SDK2: variants seen among roughly 807,000 people sequenced by gnomAD.
SDK2 encodes the protein sidekick cell adhesion molecule 2, also known as protein sidekick-2.
SDK2 carries 105 observed loss-of-function variants against 253.9 expected under a neutral mutation model. The ratio of observed to expected loss-of-function variants is 0.41; its 90% CI spans 0.35 to 0.49. The LOEUF (loss-of-function observed/expected upper bound fraction) is 0.49, where lower values mean the gene tolerates loss of function less well. Ranked by LOEUF, SDK2 falls within the 20% of genes least tolerant of loss-of-function variation. The pLI is 0.06. For synonymous variants in SDK2, 1,249 were observed against 1,234.9 expected, an observed-to-expected ratio of 1.01 and a Z score of -0.24; for missense variants, 2,608 against 3,003.0, an observed-to-expected ratio of 0.87 and a Z score of 3.07.
chr17:73,399,187 C>A lies in SDK2; in HGVS notation c.3074G>T (p.Arg1025Leu). 6.2e-7 allele frequency: 1 copy of A among 1,613,706 alleles called. No homozygotes were observed. ...CCCTACCTGGGCTTCCACCAGCCAG[C>A]GGGAGATGGAGGTTTTCCCATCGTA... ...PGYDGKTSIS[R>L]WLVEAQVGVV... The change falls in exon 22 of 45, where the codon CGC becomes CTC. Residue 1025 changes from arginine (R) to leucine (L), a missense_variant. Physicochemically the swap from Arg to Leu is moderately radical, Grantham distance 102. Around this residue, in one of 2 missense-constraint regions of SDK2, gnomAD observed 1,505 missense variants for 1,859.1 expected, o/e 0.81. Transcript: ENST00000392650.
intron 2 of SDK2, among the ~76,000 whole-genome samples, chr17:73,488,681 C>T (rs765367369): frequency 3.9e-5 from 6 of 152,080 alleles, no homozygotes; most frequent in Non-Finnish European, 7.4e-5. Context: ...CACCCACTTC[C>T]GCAAGCACAC....
intron 1 of SDK2, among the ~76,000 whole-genome samples, chr17:73,510,220 A>G (rs2063969594): frequency 6.6e-6 from 1 of 152,130 alleles, no homozygotes; most frequent in Non-Finnish European, 1.5e-5. Context: ...TTCACAACTT[A>G]ACAGAAGCCA....
At chr17:73,567,109 G>A (rs545923637) in intron 1 of SDK2, among the ~76,000 whole-genome samples, 8 of 152,320 alleles carry the variant, frequency 5.3e-5, no homozygotes, top group African/African-American at 1.9e-4. Flanking sequence ...GACAGGCCCA[G>A]AGGCCTAAAA....
chr17:73,484,400 TG>T (rs1262841414), intron 2 of SDK2, among the ~76,000 whole-genome samples: 92 of 152,324 alleles, frequency 6.0e-4, no homozygotes. Flanking sequence ...GAGACTCAGT[TG>T]CTTCTCAAAC....
Position 73,468,432 on chromosome 17 carries a change from T to C in SDK2, c.331+3680A>G, listed in dbSNP as rs1245497134. Among the ~76,000 whole-genome samples, 5 of 152,148 alleles carry C rather than the reference T, an allele frequency of 3.3e-5. No homozygotes were observed. In the South Asian group the frequency reaches 8.3e-4, roughly 25 times the overall value. Reference sequence around the variant, plus strand: ...TGGGGTGAGGCTCAGAGAGGTCCAGTCACTTCCCTGGGGTCACACAGCAAT... The same window carrying C: ...TGGGGTGAGGCTCAGAGAGGTCCAGCCACTTCCCTGGGGTCACACAGCAAT... On this transcript the variant is annotated intron_variant, in intron 3 of 44. Coordinates refer to ENST00000392650, the MANE Select transcript of SDK2 (RefSeq NM_001144952.2).
Position 73,447,477 on chromosome 17 carries a change from G to A in SDK2, c.613+138C>T. ...GCTCTGCTGTGTCTCGTCCTCCTTG[G>A]GAAGGCTCCCCCCGGCCGTCCCCTA... On this transcript the variant is annotated intron_variant, in intron 5 of 44. Coordinates refer to ENST00000392650, the MANE Select transcript of SDK2 (RefSeq NM_001144952.2). This position sits in a 1 kb window ranked among gnomAD's most constrained non-coding sequence, Gnocchi z 4.0. 7.9e-7 allele frequency: 1 copy of A among 1,270,864 alleles called. No homozygotes were observed. 78.7% of individuals were successfully genotyped at this position (1,270,864 alleles called of 1,614,324 possible).
intron 1 of SDK2, among the ~76,000 whole-genome samples, chr17:73,575,935 A>G (rs1042273473): frequency 6.6e-6 from 1 of 152,190 alleles, no homozygotes; most frequent in Non-Finnish European, 1.5e-5. Context: ...AAGTCAACCA[A>G]AATTCCACAC....
Position 73,389,011 on chromosome 17 carries a change from C to T in SDK2, c.4193-974G>A, listed in dbSNP as rs534998178. Among the ~76,000 whole-genome samples the T allele has an allele frequency of 1.8e-4, 23 of 127,104 alleles. No homozygotes were observed. The South Asian group carries it at 4.9e-3, about 27-fold the overall frequency. The allele number at this position is 127,104 out of a possible 152,430, so 83.4% of individuals were successfully genotyped here. On this transcript the variant is annotated intron_variant, in intron 29 of 44. Coordinates refer to ENST00000392650, the MANE Select transcript of SDK2 (RefSeq NM_001144952.2). The stretch of plus-strand genomic sequence containing the variant: ...CCCTTCCCCTCCTTCCTTTTTCTTT[C>T]GTTATTTAAAACACAGTCAGGGTCT...
intron 36 of SDK2, among the ~76,000 whole-genome samples, chr17:73,378,268 T>C (rs1489573364): frequency 1.3e-5 from 2 of 151,934 alleles, no homozygotes; most frequent in African/African-American, 4.8e-5. Flanking sequence ...CTGGCTAATT[T>C]CTGTATTTTT....
chr17:73,344,489 GC>G (rs2062466031), intron 44 of SDK2, among the ~76,000 whole-genome samples: 1 of 152,218 alleles, frequency 6.6e-6, no homozygotes, highest in African/African-American at 2.4e-5. Flanking sequence ...AATCCCAGTT[GC>G]TTGTACTTCT....
intron 18 of SDK2, among the ~76,000 whole-genome samples, chr17:73,412,037 T>TATATATATACACAC (rs1568389270): frequency 0.065 from 250 of 3,850 alleles, 2 homozygotes; most frequent in Admixed American, 0.21. Flanking sequence ...TATATATACG[T>TATATATATACACAC]ATATATATGT....
chr17:73,437,857 C>G, intron 7 of SDK2, 35 bp from the exon 8 acceptor site: 1 of 1,611,364 alleles, frequency 6.2e-7, no homozygotes. Context: ...GGGGTCAGAG[C>G]CATGCTCGCT....
chr17:73,593,389 T>A (rs989696414), intron 1 of SDK2, among the ~76,000 whole-genome samples: 3 of 152,106 alleles, frequency 2.0e-5, no homozygotes, highest in Non-Finnish European at 4.4e-5. Flanking sequence ...GCATCCTTCC[T>A]CCTCATTGTG....
chr17:73,608,702 C>G (rs964091413), intron 1 of SDK2, among the ~76,000 whole-genome samples: 1 of 152,152 alleles, frequency 6.6e-6, no homozygotes, highest in African/African-American at 2.4e-5. Context: ...CTTGGCCTCC[C>G]AAAGTGCTGG....
At chr17:73,539,844 C>A (rs536311776) in intron 1 of SDK2, among the ~76,000 whole-genome samples, 1 of 152,120 alleles carries the variant, frequency 6.6e-6, no homozygotes, top group Non-Finnish European at 1.5e-5. Context: ...ATGACAGAGG[C>A]GGAGATGGAG....
At chr17:73,426,208 C>CTTTGTTTTTTT (rs2063280945) in intron 12 of SDK2, among the ~76,000 whole-genome samples, 1 of 29,166 alleles carries the variant, frequency 3.4e-5, no homozygotes, top group Non-Finnish European at 6.5e-5. Flanking sequence ...CCATGCTGGG[C>CTTTGTTTTTTT]TTTTTTTTTT....
At chr17:73,588,328 G>A (rs374881118) in intron 1 of SDK2, among the ~76,000 whole-genome samples, 7 of 149,498 alleles carry the variant, frequency 4.7e-5, no homozygotes, top group Admixed American at 4.0e-4. Flanking sequence ...TGGAGGTTGC[G>A]GTGAGCCGAG....
chr17:73,411,986 G>GTATC (rs2063131718), intron 18 of SDK2, among the ~76,000 whole-genome samples: 3 of 131,608 alleles, frequency 2.3e-5, no homozygotes, highest in Non-Finnish European at 4.6e-5. Context: ...ATATATCTAC[G>GTATC]TATATATATA....
intron 1 of SDK2, among the ~76,000 whole-genome samples, chr17:73,546,376 G>T (rs988107547): frequency 3.3e-5 from 5 of 152,232 alleles, no homozygotes; most frequent in African/African-American, 2.4e-5. Context: ...ATGATACCTG[G>T]GCCAGCAGCT....
Sources: allele counts gnomAD v4.1 joint callset (sites outside exome capture counted in the v4.1 genomes callset), GRCh38; gene constraint gnomAD v4.1.1; regional missense constraint gnomAD v4.1.1; non-coding constraint Gnocchi (gnomAD v3.1); transcripts MANE v1.5; gene names NCBI Gene and HGNC (gene_info 2026-07-23, HGNC 2026-07-21).